The following OSBPL9 variants were observed in gnomAD, a reference collection of about 807,000 sequenced individuals.
OSBPL9 encodes the protein oxysterol binding protein like 9, also known as oxysterol-binding protein-related protein 9.
A neutral mutation model predicts 106.6 loss-of-function variants in OSBPL9; 40 were observed. The observed-to-expected ratio is 0.38, with a 90% CI of 0.29 to 0.49. OSBPL9 has a LOEUF of 0.49. Ranked by LOEUF, OSBPL9 falls within the 20% of genes least tolerant of loss-of-function variation. The pLI is 0.97. For missense variants in OSBPL9, 609 were observed against 887.2 expected (o/e 0.69, Z 3.98); for synonymous variants, 269 against 295.4 (o/e 0.91, Z 0.92).
intron 3 of OSBPL9, among the ~76,000 whole-genome samples, chr1:51,676,246 A>G (rs1651158399): frequency 6.6e-6 from 1 of 152,070 alleles, no homozygotes; most frequent in Non-Finnish European, 1.5e-5. Flanking sequence ...CCTGGCCAAT[A>G]TGGTGAAACC....
At chr1:51,722,140 A>G (rs991431044) in intron 4 of OSBPL9, among the ~76,000 whole-genome samples, 15 of 151,232 alleles carry the variant, frequency 9.9e-5, no homozygotes, top group African/African-American at 3.6e-4. Context: ...GGTCAACATA[A>G]TGAGACTCCA....
chr1:51,742,874 G>A (rs1485824850), intron 4 of OSBPL9, among the ~76,000 whole-genome samples: 1 of 152,218 alleles, frequency 6.6e-6, no homozygotes, highest in Non-Finnish European at 1.5e-5. Flanking sequence ...ACATTAGGAA[G>A]TAGTGGGTTT....
intron 16 of OSBPL9, 40 bp downstream of exon 16, chr1:51,781,375 A>T: frequency 3.8e-6 from 6 of 1,569,708 alleles, no homozygotes; most frequent in Non-Finnish European, 5.2e-6. Context: ...TCTTAATTGT[A>T]TACTGATTCA....
intron 1 of OSBPL9, among the ~76,000 whole-genome samples, chr1:51,617,996 TTGTGTGTGTGTG>T (rs58221259): frequency 1.4e-5 from 2 of 145,702 alleles, no homozygotes; most frequent in African/African-American, 2.5e-5. Context: ...TCTTACGTGG[TTGTGTGTGTGTG>T]TGTGTGTGTG....
At chr1:51,670,914 CA>C (rs1649713139) in intron 3 of OSBPL9, among the ~76,000 whole-genome samples, 1 of 152,138 alleles carries the variant, frequency 6.6e-6, no homozygotes, top group Non-Finnish European at 1.5e-5. Flanking sequence ...GGTAAGGCTG[CA>C]GTATGGAATT....
intron 1 of OSBPL9, among the ~76,000 whole-genome samples, chr1:51,585,068 A>G (rs1645240071): frequency 6.6e-6 from 1 of 152,046 alleles, no homozygotes. Context: ...CAGCTACTCA[A>G]GAGGCTGAGG....
chr1:51,606,879 T>A (rs1643952093), intron 2 of OSBPL9, among the ~76,000 whole-genome samples: 1 of 151,744 alleles, frequency 6.6e-6, no homozygotes, highest in African/African-American at 2.4e-5. Context: ...AAACCCGGTC[T>A]CTCCTAAAAA....
chr1:51,773,739 G>GAAAAAGACTA (rs1450964212), intron 14 of OSBPL9, among the ~76,000 whole-genome samples: 1 of 152,126 alleles, frequency 6.6e-6, no homozygotes, highest in Non-Finnish European at 1.5e-5. Context: ...GGGCCATTAA[G>GAAAAAGACTA]AAAAAGACTA....
At chr1:51,694,424 T>TA (rs1215692840) in intron 3 of OSBPL9, among the ~76,000 whole-genome samples, 3 of 152,232 alleles carry the variant, frequency 2.0e-5, no homozygotes, top group African/African-American at 4.8e-5. Context: ...CCTCAACAGA[T>TA]ACGTGGTTAG....
At chr1:51,566,635 A>G in the OSBPL9 span, 1 of 152,246 alleles carries the variant, frequency 6.6e-6, no homozygotes, top group East Asian at 1.9e-4. Context: ...CCTGAATGCC[A>G]CCACCCACAT....
At chr1:51,587,767 T>C (rs1645253639) in intron 1 of OSBPL9, among the ~76,000 whole-genome samples, 1 of 152,222 alleles carries the variant, frequency 6.6e-6, no homozygotes. Flanking sequence ...TCTTCTCTAC[T>C]TCCCTCTCAG....
chr1:51,565,216 G>A, the OSBPL9 span, among the ~76,000 whole-genome samples: 7 of 152,330 alleles, frequency 4.6e-5, no homozygotes, highest in South Asian at 2.1e-4. Flanking sequence ...GACCTGCAGA[G>A]TAGCAATGTG....
chr1:51,561,495 AG>A, the OSBPL9 span: 2 of 152,228 alleles, frequency 1.3e-5, no homozygotes, highest in African/African-American at 4.8e-5. Flanking sequence ...GGTAAATCAG[AG>A]GAACAAGCAA....
chr1:51,748,549 T>A (rs894156140), intron 7 of OSBPL9, 151 bp downstream of exon 7: 11 of 866,912 alleles, frequency 1.3e-5, no homozygotes, highest in African/African-American at 8.9e-5. Flanking sequence ...TATTTTTTTT[T>A]AAAGGAATTT....
Position 51,781,315 on chromosome 1 carries a change from A to G in OSBPL9, c.1408A>G (p.Asn470Asp). Residue 470 changes from asparagine (N) to aspartate (D), a missense_variant, in exon 16 of 24, where the codon AAT becomes GAT. By Grantham distance (23) the Asn-to-Asp change is conservative. Around this residue, in one of 5 missense-constraint regions of OSBPL9, gnomAD observed 356 missense variants for 505.8 expected, o/e 0.70. Transcript: ENST00000428468. ...TTTTCAGTGTCATTGGACATTACCA[A>G]ATGATACTGAAGAGAACACAGTGAG... is the stretch of plus-strand genomic sequence containing the variant. ...EIFQCHWTLP[N>D]DTEENTELVS... is the part of the protein sequence containing the mutation. 2 of 1,614,186 alleles carry G rather than the reference A, an allele frequency of 1.2e-6. No individual in the cohort carries two copies. The highest frequency in any genetic ancestry group is 1.7e-6 in the Non-Finnish European group (2 of 1,180,014).
intron 1 of OSBPL9, among the ~76,000 whole-genome samples, chr1:51,592,917 G>T (rs1381643604): frequency 1.3e-5 from 2 of 152,178 alleles, no homozygotes; most frequent in Non-Finnish European, 2.9e-5. Flanking sequence ...GTAAAAGCCA[G>T]CTGGGGCAGG....
At chr1:51,677,203 G>A (rs1557676501) in intron 3 of OSBPL9, among the ~76,000 whole-genome samples, 1 of 152,190 alleles carries the variant, frequency 6.6e-6, no homozygotes, top group South Asian at 2.1e-4. Flanking sequence ...AGAAACTTTG[G>A]GAATGGGCCC....
At chr1:51,633,472 T>G (rs535519177) in intron 1 of OSBPL9, among the ~76,000 whole-genome samples, 1 of 150,658 alleles carries the variant, frequency 6.6e-6, no homozygotes, top group South Asian at 2.1e-4. Flanking sequence ...AGCTACTGGG[T>G]GGGGATGGGG....
intron 9 of OSBPL9, 104 bp from the exon 10 acceptor site, chr1:51,760,586 A>G (rs1671279269): frequency 2.0e-6 from 3 of 1,531,906 alleles, no homozygotes; most frequent in Admixed American, 1.9e-5. Flanking sequence ...ACATATCTAT[A>G]TAGCTACCCT....
Sources: allele counts gnomAD v4.1 joint callset (sites outside exome capture counted in the v4.1 genomes callset), GRCh38; gene constraint gnomAD v4.1.1; regional missense constraint gnomAD v4.1.1; transcripts MANE v1.5; gene names NCBI Gene and HGNC (gene_info 2026-07-23, HGNC 2026-07-21).